The following C1orf141 variants were observed in gnomAD, a reference collection of about 807,000 sequenced individuals.
The protein encoded by C1orf141 is chromosome 1 open reading frame 141.
In C1orf141, 19 loss-of-function variants were observed where a neutral mutation model predicts 23.2. The observed-to-expected ratio is 0.82, with a 90% CI of 0.57 to 1.20. The LOEUF is 1.20. Among genes scored for constraint, C1orf141 ranks in the 50% most tolerant of loss-of-function variants. The pLI is 0.00. For missense variants in C1orf141, 469 were observed against 455.1 expected, an observed-to-expected ratio of 1.03 and a Z score of -0.28; for synonymous variants, 153 against 154.6, an observed-to-expected ratio of 0.99 and a Z score of 0.08.
At chr1:67,108,369 G>A (rs1250558051) in intron 5 of C1orf141, among the ~76,000 whole-genome samples, 3 of 152,108 alleles carry the variant, frequency 2.0e-5, no homozygotes, top group Non-Finnish European at 2.9e-5. Flanking sequence ...AATCCCATTC[G>A]TGAGGGCTCT....
At chr1:67,124,601 G>A (rs1328512955) in intron 4 of C1orf141, among the ~76,000 whole-genome samples, 2 of 152,200 alleles carry the variant, frequency 1.3e-5, no homozygotes, top group African/African-American at 2.4e-5. Context: ...TTACAGGCGT[G>A]AGCCACCATG....
At chr1:67,096,703 G>A (rs563711261) in intron 5 of C1orf141, among the ~76,000 whole-genome samples, 11 of 152,246 alleles carry the variant, frequency 7.2e-5, no homozygotes, top group East Asian at 3.9e-4. Context: ...CTTGCCATGC[G>A]GCATGAAGTA....
intron 1 of C1orf141, among the ~76,000 whole-genome samples, chr1:67,134,462 C>T (rs1646562816): frequency 6.6e-6 from 1 of 152,190 alleles, no homozygotes; most frequent in African/African-American, 2.4e-5. Context: ...GATCAGCTTC[C>T]ACCATCCATT....
chr1:67,108,597 G>C (rs895095281), intron 5 of C1orf141, among the ~76,000 whole-genome samples: 1 of 152,116 alleles, frequency 6.6e-6, no homozygotes, highest in Non-Finnish European at 1.5e-5. Context: ...GCATGGTGGT[G>C]CATACCTGTA....
upstream of C1orf141, among the ~76,000 whole-genome samples, chr1:67,135,906 C>CAAAAA (rs59519661): frequency 0.2 from 12,629 of 62,180 alleles, 2,485 homozygotes; most frequent in Admixed American, 0.29. Context: ...GGCAAAACTG[C>CAAAAA]AAAAAAAAAA....
chr1:67,138,723 A>T (rs193128767), upstream of C1orf141, among the ~76,000 whole-genome samples: 165 of 152,302 alleles, frequency 1.1e-3, no homozygotes, highest in African/African-American at 3.8e-3. Flanking sequence ...TTGTAACTTA[A>T]TGGGAATTTT....
intron 5 of C1orf141, among the ~76,000 whole-genome samples, chr1:67,102,307 CGTGTGTGTGTGTGT>C (rs57508145): frequency 1.9e-4 from 26 of 139,684 alleles, no homozygotes; most frequent in South Asian, 4.9e-4. Flanking sequence ...TCTTCTGCTC[CGTGTGTGTGTGTGT>C]GTGTGTGTGT....
chr1:67,115,860 T>C (rs970625553), intron 4 of C1orf141, among the ~76,000 whole-genome samples: 1 of 152,234 alleles, frequency 6.6e-6, no homozygotes, highest in African/African-American at 2.4e-5. Context: ...CAGCATTTAT[T>C]TATTGTAAAG....
At chr1:67,117,352 G>C (rs977543986) in intron 4 of C1orf141, among the ~76,000 whole-genome samples, 2 of 152,180 alleles carry the variant, frequency 1.3e-5, no homozygotes, top group Non-Finnish European at 2.9e-5. Flanking sequence ...GAATCCAGGA[G>C]GCAGAGGTTG....
intron 4 of C1orf141, among the ~76,000 whole-genome samples, chr1:67,124,161 G>A (rs1646357644): frequency 6.6e-6 from 1 of 152,142 alleles, no homozygotes; most frequent in South Asian, 2.1e-4. Context: ...AAAACATTGG[G>A]CTACAAAAGT....
At chr1:67,113,800 C>A in intron 5 of C1orf141, 1 of 915,108 alleles carries the variant, frequency 1.1e-6, no homozygotes, top group Non-Finnish European at 1.5e-6. Context: ...ATTTTTGCTA[C>A]CATTATGGAA....
At chr1:67,095,932 G>T (rs77380292) in intron 6 of C1orf141, 17,132 of 206,374 alleles carry the variant, frequency 0.083, 1,206 homozygotes, top group African/African-American at 0.21. Flanking sequence ...AGATGGAAGG[G>T]TTCATGAGAA....
At chr1:67,120,363 G>A (rs938061657) in intron 4 of C1orf141, among the ~76,000 whole-genome samples, 2 of 152,162 alleles carry the variant, frequency 1.3e-5, no homozygotes, top group Non-Finnish European at 2.9e-5. Flanking sequence ...TTGGACTTTA[G>A]AGTTGATGCT....
intron 5 of C1orf141, among the ~76,000 whole-genome samples, chr1:67,108,401 C>G (rs193143466): frequency 3.9e-5 from 6 of 152,236 alleles, no homozygotes; most frequent in Admixed American, 3.9e-4. Flanking sequence ...TAATCACCTC[C>G]TAAAGGCATC....
chr1:67,126,149 G>A (rs564770493), intron 3 of C1orf141, among the ~76,000 whole-genome samples: 6 of 152,210 alleles, frequency 3.9e-5, no homozygotes, highest in African/African-American at 1.4e-4. Context: ...TGTGGGGGTA[G>A]GACTTGAGGA....
intron 5 of C1orf141, among the ~76,000 whole-genome samples, chr1:67,105,647 A>G (rs113598063): frequency 1.3e-5 from 2 of 151,988 alleles, no homozygotes; most frequent in African/African-American, 4.8e-5. Flanking sequence ...ACACACACAG[A>G]CACACACACA....
At chr1:67,136,733 A>G (rs142865912), upstream of C1orf141, among the ~76,000 whole-genome samples, 1 of 152,164 alleles carries the variant, frequency 6.6e-6, no homozygotes, top group Non-Finnish European at 1.5e-5. Flanking sequence ...ATTATCTTTG[A>G]TTTTAGAAAA....
intron 4 of C1orf141, among the ~76,000 whole-genome samples, chr1:67,124,615 G>A (rs1472044837): frequency 1.3e-5 from 2 of 152,030 alleles, no homozygotes; most frequent in Non-Finnish European, 2.9e-5. Context: ...CACCATGCCC[G>A]GCCCACAAAT....
intron 4 of C1orf141, among the ~76,000 whole-genome samples, chr1:67,120,898 C>A (rs767550489): frequency 3.3e-5 from 5 of 152,126 alleles, no homozygotes; most frequent in Non-Finnish European, 7.4e-5. Flanking sequence ...GCCTGGGGAT[C>A]CTTCGCAGAA....
Sources: gnomAD v4.1 joint callset for allele counts (sites outside exome capture counted in the v4.1 genomes callset) on GRCh38, gnomAD v4.1.1 for gene constraint, MANE v1.5 for transcripts, NCBI Gene and HGNC (gene_info 2026-07-23, HGNC 2026-07-21) for gene names.